The following LRP3 variants were observed in gnomAD, a reference collection of about 807,000 sequenced individuals.
LRP3 encodes LDL receptor related protein 3.
In LRP3, 49 loss-of-function variants were observed where a neutral mutation model predicts 58.5. That is an observed-to-expected ratio of 0.84 (90% CI 0.67 to 1.06). The LOEUF is 1.06. Ranked by LOEUF, LRP3 falls within the 50% of genes least tolerant of loss-of-function variation. LRP3 has a pLI of 0.00. For synonymous variants in LRP3, 485 were observed against 492.2 expected, an observed-to-expected ratio of 0.99 and a Z score of 0.20; for missense variants, 1,019 against 1,134.2, an observed-to-expected ratio of 0.90 and a Z score of 1.46.
chr19:33,194,925 C>T, intron 1 of LRP3, 67 bp downstream of exon 1: 1 of 878,282 alleles, frequency 1.1e-6, no homozygotes, highest in Non-Finnish European at 1.4e-6. Flanking sequence ...GCGCCCTGAC[C>T]GACCTCCTCT....
chr19:33,204,353 G>A, intron 3 of LRP3: 1 of 499,812 alleles, frequency 2.0e-6, no homozygotes, highest in Non-Finnish European at 3.6e-6. Flanking sequence ...GGTACTGTGT[G>A]CACTGATGGA....
Position 33,206,753 on chromosome 19 carries a change from G to C in LRP3, c.1725+20G>C, listed in dbSNP as rs1005275938. On this transcript the variant is annotated intron_variant, in intron 6 of 6. Coordinates refer to ENST00000253193, the MANE Select transcript of LRP3 (RefSeq NM_002333.4). ...TCCCAGGTGAGCCCCCGGAGGGCGT[G>C]AGGCCCCTCCGGGGCCACTTGGGAC... 6.6e-7 allele frequency: 1 copy of C among 1,508,566 alleles called. No individual in the cohort carries two copies. The highest frequency in any genetic ancestry group is 2.3e-5 in the East Asian group (1 of 43,652). 93.4% of individuals were successfully genotyped at this position (1,508,566 alleles called of 1,614,324 possible).
At position 33,194,869 on chromosome 19, in the gene LRP3, C is replaced by A; in HGVS notation, c.73+11C>A. The A allele has an allele frequency of 9.0e-7, 1 of 1,112,640 alleles. No individual in the cohort carries two copies. The highest frequency in any genetic ancestry group is 1.7e-5 in the African/African-American group (1 of 60,108). The allele number at this position is 1,112,640 out of a possible 1,614,324, so 68.9% of individuals were successfully genotyped here. ...CCGTCGTCTGTCTGGGTGAGTGGGC[C>A]GCGCGGGCCGGGCAGGTCCGGGTCC... On this transcript the variant is annotated intron_variant, in intron 1 of 6. Coordinates refer to ENST00000253193, the MANE Select transcript of LRP3 (RefSeq NM_002333.4).
chr19:33,204,417 T>G (rs1974376649), intron 3 of LRP3: 1 of 579,662 alleles, frequency 1.7e-6, no homozygotes, highest in Non-Finnish European at 3.1e-6. Flanking sequence ...GTCGCAATTC[T>G]TCATGGAGCC....
At chr19:33,196,438 G>T (rs1974286461) in intron 1 of LRP3, among the ~76,000 whole-genome samples, 1 of 152,202 alleles carries the variant, frequency 6.6e-6, no homozygotes, top group African/African-American at 2.4e-5. Context: ...CACACCTGTA[G>T]TTCCAGCTAC....
At chr19:33,206,560 CG>C in intron 5 of LRP3, 40 bp from the exon 6 acceptor site, 1 of 1,594,994 alleles carries the variant, frequency 6.3e-7, no homozygotes. Context: ...CTGCAGGTCC[CG>C]GGCAGCCCAG....
Position 33,194,721 on chromosome 19 carries a change from C to G in LRP3, c.-65C>G. 3.9e-6 allele frequency: 2 copies of G among 517,218 alleles called. No individual in the cohort carries two copies. Among genetic ancestry groups the G allele is most frequent in the South Asian group, 1.6e-4 (2 of 12,642 alleles). 32.0% of individuals were successfully genotyped at this position (517,218 alleles called of 1,614,324 possible). A position where few individuals can be genotyped will look rare whatever the true frequency, so the allele number is the denominator to read the frequency against. ...CCGCAGCCAGAGCCAGAGCCGGAGC[C>G]GCAGCCGGAACCGGAGCCGGAGCCG... On this transcript the variant is annotated 5_prime_UTR_variant, in exon 1 of 7. Coordinates refer to ENST00000253193, the MANE Select transcript of LRP3 (RefSeq NM_002333.4).
At chr19:33,197,317 A>G (rs569337152) in intron 2 of LRP3, among the ~76,000 whole-genome samples, 1 of 152,304 alleles carries the variant, frequency 6.6e-6, no homozygotes, top group Admixed American at 6.5e-5. Context: ...TAGAAGCTGC[A>G]TCACAGCTTC....
Position 33,208,104 on chromosome 19 carries a change from A to AGATCTAC in LRP3, c.*529_*530insGATCTAC. 1 of 163,654 alleles carries AGATCTAC rather than the reference A, an allele frequency of 6.1e-6. No homozygotes were observed. Among genetic ancestry groups the AGATCTAC allele is most frequent in the Non-Finnish European group, 1.3e-5 (1 of 74,402 alleles). 10.1% of individuals were successfully genotyped at this position (163,654 alleles called of 1,614,324 possible). Reference sequence around the variant, plus strand: ...AGGCAGGCGCCCTTTGCCCTCCCTGAAGGTCCAATCTCCTGGGCACCGTGG... The same window carrying AGATCTAC: ...AGGCAGGCGCCCTTTGCCCTCCCTGAGATCTACAGGTCCAATCTCCTGGGCACCGTGG... On this transcript the variant is annotated 3_prime_UTR_variant, in exon 7 of 7. Transcript: ENST00000253193. The surrounding 1 kb of genome is among the most constrained non-coding windows in gnomAD (Gnocchi z 4.7).
intron 5 of LRP3, 49 bp from the exon 6 acceptor site, chr19:33,206,552 G>A: frequency 6.3e-7 from 1 of 1,592,478 alleles, no homozygotes; most frequent in South Asian, 1.1e-5. Flanking sequence ...TGTTCCTGCT[G>A]CAGGTCCCGG....
At position 33,194,663 on chromosome 19, in the gene LRP3, GAGCCCGAGCCCT is replaced by G. The variant is rs1024157601; in HGVS notation, c.-111_-100del. ...CGGGCCGCAGCAGCCACGCCAGCCG[GAGCCCGAGCCCT>G]AGCCCGAGCCCGAGCCCGAGCCGCA... On this transcript the variant is annotated 5_prime_UTR_variant, in exon 1 of 7. Coordinates refer to ENST00000253193, the MANE Select transcript of LRP3 (RefSeq NM_002333.4). 3.5e-3 allele frequency: 705 copies of G among 203,106 alleles called. 4 individuals carry two copies. The highest frequency in any genetic ancestry group is 0.016 in the African/African-American group (674 of 42,002). 12.6% of individuals were successfully genotyped at this position (203,106 alleles called of 1,614,324 possible).
rs779980301 is a variant in LRP3, at chr19:33,205,435, C to T, written c.665C>T (p.Ala222Val). The change falls in exon 5 of 7, where the codon GCG (alanine) becomes GTG (valine). Residue 222 changes from alanine (A) to valine (V), a missense_variant. Coordinates refer to ENST00000253193, the MANE Select transcript of LRP3 (RefSeq NM_002333.4). The part of the protein sequence containing the change: ...CPGGTFPCSG[A>V]RSTRCLPVER... ...GGGGGGACCTTCCCATGCAGCGGGG[C>T]GCGCTCCACGCGCTGCCTGCCTGTG... is the stretch of plus-strand genomic sequence containing the variant. The T allele has an allele frequency of 2.8e-5, 44 of 1,586,980 alleles. No homozygotes were observed. The highest frequency in any genetic ancestry group is 6.7e-5 in the African/African-American group (5 of 74,512).
At chr19:33,200,531 T>C (rs530551076) in intron 2 of LRP3, among the ~76,000 whole-genome samples, 1 of 152,186 alleles carries the variant, frequency 6.6e-6, no homozygotes, top group African/African-American at 2.4e-5. Context: ...GCACCCGGTC[T>C]CTTTTGGATT....
At chr19:33,201,933 T>C (rs1208020002) in intron 2 of LRP3, among the ~76,000 whole-genome samples, 2 of 152,162 alleles carry the variant, frequency 1.3e-5, no homozygotes, top group African/African-American at 2.4e-5. Flanking sequence ...GGCTCCTCCT[T>C]TGAGCTGGCG....
chr19:33,200,255 A>G (rs1974328249), intron 2 of LRP3, among the ~76,000 whole-genome samples: 1 of 151,990 alleles, frequency 6.6e-6, no homozygotes, highest in African/African-American at 2.4e-5. Flanking sequence ...TTTTGGAGAA[A>G]AAGTCTTGCT....
At position 33,194,344 on chromosome 19, in the gene LRP3, C is replaced by T. The variant is rs1403015085; in HGVS notation, c.-442C>T. ...GCGGGAGGACTGACAGACCCACGGA[C>T]GCTCTACCGGCGGCACCCGGCCGGG... On this transcript the variant is annotated 5_prime_UTR_variant, in exon 1 of 7. It adds an upstream start codon to the 5' untranslated region. Transcript: ENST00000253193. Among the ~76,000 whole-genome samples the T allele has an allele frequency of 1.4e-5, 2 of 145,686 alleles. No homozygotes were observed. Among genetic ancestry groups the T allele is most frequent in the African/African-American group, 2.5e-5 (1 of 40,644 alleles).
At chr19:33,206,444 G>A (rs753059119) in intron 5 of LRP3, 82 bp downstream of exon 5, 8 of 1,595,016 alleles carry the variant, frequency 5.0e-6, no homozygotes, top group Middle Eastern at 1.7e-4. Flanking sequence ...GTTTGCAAAC[G>A]GGGGCCTGGA....
chr19:33,194,341 G>T lies in LRP3; in HGVS notation c.-445G>T, dbSNP rs899729062. 1.4e-5 allele frequency among the ~76,000 whole-genome samples: 2 copies of T among 145,948 alleles called. No individual in the cohort carries two copies. Among genetic ancestry groups the T allele is most frequent in the East Asian group, 4.0e-4 (2 of 5,032 alleles). On this transcript the variant is annotated 5_prime_UTR_variant, in exon 1 of 7. Coordinates refer to ENST00000253193, the MANE Select transcript of LRP3 (RefSeq NM_002333.4). The stretch of plus-strand genomic sequence containing the variant: ...CGGGCGGGAGGACTGACAGACCCAC[G>T]GACGCTCTACCGGCGGCACCCGGCC...
chr19:33,204,547 C>T (rs898807826), intron 3 of LRP3, 91 bp from the exon 4 acceptor site: 23 of 925,546 alleles, frequency 2.5e-5, no homozygotes, highest in South Asian at 2.3e-4. Flanking sequence ...CTGTCCTGGC[C>T]GTGGCTCCAG....
Sources: allele counts gnomAD v4.1 joint callset (sites outside exome capture counted in the v4.1 genomes callset), GRCh38; gene constraint gnomAD v4.1.1; non-coding constraint Gnocchi (gnomAD v3.1); transcripts MANE v1.5; gene names NCBI Gene and HGNC (gene_info 2026-07-23, HGNC 2026-07-21).